NLRC4: variants seen among roughly 807,000 people sequenced by gnomAD.
NLRC4 encodes the protein NLR family CARD domain-containing protein 4.
A neutral mutation model predicts 79.9 loss-of-function variants in NLRC4; 63 were observed. That is an observed-to-expected ratio of 0.79 (90% CI 0.64 to 0.97). NLRC4 has a LOEUF of 0.97. Ranked by LOEUF, NLRC4 falls within the 50% of genes least tolerant of loss-of-function variation. The pLI is 0.00. For missense variants in NLRC4, 1,074 were observed against 1,215.2 expected (o/e 0.88, Z 1.73); for synonymous variants, 461 against 456.5 (o/e 1.01, Z -0.12).
At chr2:32,238,746 C>T (rs146404020) in intron 5 of NLRC4, among the ~76,000 whole-genome samples, 24 of 152,256 alleles carry the variant, frequency 1.6e-4, no homozygotes, top group Admixed American at 2.6e-4. Context: ...CCTCAAAAGC[C>T]TTGCCTGGAC....
At chr2:32,230,831 G>A (rs1158835040) in intron 8 of NLRC4, among the ~76,000 whole-genome samples, 4 of 152,052 alleles carry the variant, frequency 2.6e-5, no homozygotes, top group Non-Finnish European at 4.4e-5. Flanking sequence ...TTAACATTTT[G>A]AACAACTTGC....
In NLRC4 at chr2:32,250,870, T is replaced by C. The variant is rs2148942614; in HGVS notation, c.994A>G (p.Arg332Gly). The C allele has an allele frequency of 1.2e-6, 2 of 1,614,184 alleles. No individual in the cohort carries two copies. Among genetic ancestry groups the C allele is most frequent in the East Asian group, 4.5e-5 (2 of 44,888 alleles). Reference sequence around the variant, plus strand: ...AAGAGAGGGGTCTTCATGAGATTCCTCAAGCACCTGGATTTCTGAATTTGG... The same window carrying C: ...AAGAGAGGGGTCTTCATGAGATTCCCCAAGCACCTGGATTTCTGAATTTGG... ...LLQIQKSRCL[R>G]NLMKTPLFVV... The change falls in exon 4 of 9, where the codon AGG becomes GGG. Residue 332 changes from arginine to glycine, a missense_variant. Coordinates refer to ENST00000402280, the MANE Select transcript of NLRC4 (RefSeq NM_001199138.2). The surrounding 1 kb of genome is among the most constrained non-coding windows in gnomAD (Gnocchi z 4.9).
chr2:32,232,905 G>T (rs1489359228), intron 8 of NLRC4, among the ~76,000 whole-genome samples: 1 of 152,060 alleles, frequency 6.6e-6, no homozygotes, highest in Admixed American at 6.6e-5. Flanking sequence ...TCTAGTCATT[G>T]CATGCTCATA....
chr2:32,259,911 A>G (rs1337876133), intron 1 of NLRC4, among the ~76,000 whole-genome samples: 2 of 152,170 alleles, frequency 1.3e-5, no homozygotes, highest in African/African-American at 4.8e-5. Flanking sequence ...TTCATTGCTT[A>G]GTAGTATTGT....
chr2:32,248,892 C>T (rs539021555), intron 4 of NLRC4, among the ~76,000 whole-genome samples: 2 of 152,268 alleles, frequency 1.3e-5, no homozygotes, highest in South Asian at 4.1e-4. Flanking sequence ...TTAAACAATT[C>T]GCAACTCATC....
At position 32,252,511 on chromosome 2, in the gene NLRC4, A is replaced by G; in HGVS notation, c.170T>C (p.Met57Thr). ...GGACTCTGAACCCTTTTTCAAAATC[A>G]TGTGAATGATCCCTCTAGCAGCATC... is the stretch of plus-strand genomic sequence containing the variant. ...EQDAARGIIH[M>T]ILKKGSESCN... The change falls in exon 3 of 9, where the codon ATG becomes ACG. Residue 57 changes from methionine to threonine, a missense_variant. Coordinates refer to ENST00000402280, the MANE Select transcript of NLRC4 (RefSeq NM_001199138.2). The G allele has an allele frequency of 6.2e-7, 1 of 1,613,970 alleles. No individual in the cohort carries two copies.
At chr2:32,229,726 G>A (rs910485548) in intron 8 of NLRC4, among the ~76,000 whole-genome samples, 1 of 152,170 alleles carries the variant, frequency 6.6e-6, no homozygotes, top group Admixed American at 6.5e-5. Context: ...AGCCAAGGTG[G>A]CATGGAGGTC....
chr2:32,230,701 T>G lies in NLRC4; in HGVS notation c.2782+4700A>C, dbSNP rs572442258. 2.0e-5 allele frequency among the ~76,000 whole-genome samples: 3 copies of G among 152,342 alleles called. No individual in the cohort carries two copies. In the East Asian group the frequency reaches 5.8e-4, roughly 29 times the overall value. The stretch of plus-strand genomic sequence containing the variant: ...TGATGGACATTTGAGTTGTTTCCAC[T>G]TTTGAGCTACTAAACATGCTATTAT... On this transcript the variant is annotated intron_variant, in intron 8 of 8. Transcript: ENST00000402280.
At chr2:32,247,879 C>T (rs567500550) in intron 4 of NLRC4, among the ~76,000 whole-genome samples, 6 of 151,914 alleles carry the variant, frequency 3.9e-5, no homozygotes, top group Non-Finnish European at 8.8e-5. Flanking sequence ...TTGATGGAAC[C>T]GGAGGCCATT....
intron 4 of NLRC4, among the ~76,000 whole-genome samples, chr2:32,244,363 A>C (rs561454651): frequency 7.9e-5 from 12 of 152,036 alleles, no homozygotes; most frequent in Non-Finnish European, 1.3e-4. Context: ...ACACCTATTC[A>C]TGACCAAAAA....
At chr2:32,238,435 T>A in intron 5 of NLRC4, 133 bp from the exon 6 acceptor site, 1 of 715,480 alleles carries the variant, frequency 1.4e-6, no homozygotes, top group South Asian at 2.0e-5. Context: ...CGACTTTAAG[T>A]TACAAAGAAT....
rs758156316 is a variant in NLRC4 at position 32,224,467 on chromosome 2, CT to C, written c.*5del. On this transcript the variant is annotated 3_prime_UTR_variant, in exon 9 of 9. Coordinates refer to ENST00000402280, the MANE Select transcript of NLRC4 (RefSeq NM_001199138.2). ...AGAGCACTTACTGGCTTCGAGTACA[CT>C]TTATTTAAGCAGTTACTAGTTTAAA... 5.7e-6 allele frequency: 9 copies of C among 1,578,532 alleles called. No individual in the cohort carries two copies. The South Asian group carries it at 1.1e-4, about 18-fold the overall frequency.
chr2:32,245,690 T>G (rs963859707), intron 4 of NLRC4, among the ~76,000 whole-genome samples: 10 of 152,220 alleles, frequency 6.6e-5, no homozygotes, highest in Admixed American at 5.9e-4. Flanking sequence ...ATGTGATTAT[T>G]ACACATTGCA....
At chr2:32,259,300 G>GTTTTTTTTTTT (rs1687284645) in intron 1 of NLRC4, among the ~76,000 whole-genome samples, 1 of 58,294 alleles carries the variant, frequency 1.7e-5, no homozygotes, top group African/African-American at 7.3e-5. Context: ...TAGAGACAGA[G>GTTTTTTTTTTT]TTTTGCCGTG....
rs746866931 is a variant in NLRC4, at chr2:32,235,561, C to T, written c.2622G>A (p.Arg874=). The part of the protein sequence containing the change: ...GNEALHELID[R]MNVLEQLTAL... ...CGGTGAGCTGTTCTAGCACGTTCAT[C>T]CTGTCGACTGGAAGAAACAAAGAGC... Residue 874 remains arginine (R), a synonymous_variant, in exon 8 of 9, where the codon AGG becomes AGA. Coordinates refer to ENST00000402280, the MANE Select transcript of NLRC4 (RefSeq NM_001199138.2). 1.9e-6 allele frequency: 3 copies of T among 1,613,214 alleles called. No homozygotes were observed. The South Asian group carries it at 3.3e-5, about 18-fold the overall frequency.
chr2:32,244,887 A>AAGGAGG (rs889233369), intron 4 of NLRC4, among the ~76,000 whole-genome samples: 4 of 151,030 alleles, frequency 2.6e-5, no homozygotes, highest in Admixed American at 1.3e-4. Context: ...GGAGAGGAAG[A>AAGGAGG]AGGAGGAGGA....
chr2:32,240,276 C>T (rs1188858535), intron 5 of NLRC4, among the ~76,000 whole-genome samples: 1 of 151,854 alleles, frequency 6.6e-6, no homozygotes, highest in Non-Finnish European at 1.5e-5. Flanking sequence ...CCACCATGCC[C>T]AGGCTTCAGC....
At chr2:32,251,623 T>C (rs1573495493) in intron 3 of NLRC4, 22 bp from the exon 4 acceptor site, 1 of 1,512,764 alleles carries the variant, frequency 6.6e-7, no homozygotes, top group Non-Finnish European at 9.0e-7. Flanking sequence ...GAGGTGATGT[T>C]AAAGAAGACC....
At chr2:32,233,552 G>A (rs188986934) in intron 8 of NLRC4, among the ~76,000 whole-genome samples, 72 of 151,714 alleles carry the variant, frequency 4.7e-4, no homozygotes, top group African/African-American at 1.7e-3. Flanking sequence ...TGTCATTCCA[G>A]AGCATGTTGT....
Sources: gnomAD v4.1 joint callset for allele counts (sites outside exome capture counted in the v4.1 genomes callset) on GRCh38, gnomAD v4.1.1 for gene constraint, Gnocchi (gnomAD v3.1) non-coding constraint, MANE v1.5 for transcripts, NCBI Gene and HGNC (gene_info 2026-07-23, HGNC 2026-07-21) for gene names.